Variants in CEP162 observed in about 807,000 individuals in gnomAD.
CEP162 encodes centrosomal protein 162.
In CEP162, 141 loss-of-function variants were observed where a neutral mutation model predicts 169.2. The observed-to-expected ratio is 0.83, with a 90% CI of 0.73 to 0.96. The LOEUF (loss-of-function observed/expected upper bound fraction) is 0.96, where lower values mean the gene tolerates loss of function less well. Among genes scored for constraint, CEP162 ranks in the 40% least tolerant of loss-of-function variants. The pLI is 0.00. For synonymous variants in CEP162, 540 were observed against 526.4 expected, an observed-to-expected ratio of 1.03 and a Z score of -0.35; for missense variants, 1,600 against 1,587.2, an observed-to-expected ratio of 1.01 and a Z score of -0.14.
At chr6:84,171,549 G>T in intron 17 of CEP162, 57 bp downstream of exon 17, 2 of 609,666 alleles carry the variant, frequency 3.3e-6, no homozygotes, top group South Asian at 3.8e-5. Context: ...AACATAATAA[G>T]AAAATGCTTG....
Position 84,217,714 on chromosome 6 carries a change from G to T in CEP162, c.173-1792C>A, listed in dbSNP as rs975361311. ...GATTTTTTGGTGTAAACAAGTTTAA[G>T]GAACTCGGAAGTCAGGTTATTAGAG... is the stretch of plus-strand genomic sequence containing the variant. On this transcript the variant is annotated intron_variant, in intron 3 of 26. Transcript: ENST00000403245. 7 of 152,350 alleles carry T rather than the reference G, an allele frequency of 4.6e-5. 1 individual carries two copies. The allele number at this position is 152,350 out of a possible 1,614,324, so 9.4% of individuals were successfully genotyped here.
intron 11 of CEP162, among the ~76,000 whole-genome samples, chr6:84,188,952 G>A (rs1486282192): frequency 1.3e-5 from 2 of 151,900 alleles, no homozygotes; most frequent in African/African-American, 4.8e-5. Flanking sequence ...GCATCTCATT[G>A]TGGTTTAATT....
rs144231091 is a variant in CEP162, at chr6:84,164,728, G to A, written c.2386-1458C>T. On this transcript the variant is annotated intron_variant, in intron 18 of 26. Transcript: ENST00000403245. ...AGGGGCAAGGGGAGGAGAGAATTAG[G>A]ACAAATACCTAATGCAGGTGGGGCT... 7.8e-3 allele frequency among the ~76,000 whole-genome samples: 1,187 copies of A among 152,160 alleles called. 16 individuals are homozygous for A. The highest frequency in any genetic ancestry group is 0.065 in the Middle Eastern group (19 of 294).
chr6:84,219,340 CCTT>C (rs894948634), intron 3 of CEP162: 4 of 376,796 alleles, frequency 1.1e-5, no homozygotes, highest in Non-Finnish European at 2.1e-5. Flanking sequence ...TCTTGACTAT[CCTT>C]CTTTACTTCT....
chr6:84,135,812 G>A (rs899111823), intron 25 of CEP162, among the ~76,000 whole-genome samples: 39 of 152,150 alleles, frequency 2.6e-4, no homozygotes, highest in African/African-American at 8.7e-4. Context: ...GCTGTGAGCC[G>A]AGATTGTGCC....
chr6:84,134,719 T>C (rs1485242407), intron 25 of CEP162, among the ~76,000 whole-genome samples: 3 of 152,134 alleles, frequency 2.0e-5, no homozygotes, highest in Non-Finnish European at 4.4e-5. Flanking sequence ...GGTACCTCAG[T>C]TGGAAATGTA....
chr6:84,213,512 G>C (rs772867742), intron 5 of CEP162, among the ~76,000 whole-genome samples: 18 of 152,218 alleles, frequency 1.2e-4, no homozygotes, highest in Non-Finnish European at 2.4e-4. Flanking sequence ...AAAGGAGCTT[G>C]AGTATGATTT....
rs766878888 is a variant in CEP162, at chr6:84,171,669, T to C, written c.2216A>G (p.Lys739Arg). Residue 739 changes from lysine to arginine, a missense_variant, in exon 17 of 27, where the codon AAG becomes AGG. By Grantham distance (26) the Lys-to-Arg change is conservative. Coordinates refer to ENST00000403245, the MANE Select transcript of CEP162 (RefSeq NM_014895.4). ...CTTAAACATTCGCTCCTCATTTTTC[T>C]TGTTTTGTTCTTGGAGATCTTTTAC... ...NQVKDLQEQN[K>R]KNEERMFKEN... is the part of the protein sequence containing the mutation. The C allele has an allele frequency of 1.9e-6, 3 of 1,553,278 alleles. No homozygotes were observed. Among genetic ancestry groups the C allele is most frequent in the Non-Finnish European group, 2.6e-6 (3 of 1,150,938 alleles).
intron 9 of CEP162, among the ~76,000 whole-genome samples, chr6:84,195,811 G>C (rs2099541905): frequency 6.6e-6 from 1 of 151,916 alleles, no homozygotes; most frequent in Non-Finnish European, 1.5e-5. Flanking sequence ...TAGTTTTTTG[G>C]CCTGGCTAAC....
chr6:84,145,790 T>C (rs1364932029), intron 25 of CEP162, among the ~76,000 whole-genome samples: 1 of 152,144 alleles, frequency 6.6e-6, no homozygotes, highest in Non-Finnish European at 1.5e-5. Context: ...TTCATGCCTA[T>C]TGCTGCGTGT....
Position 84,186,316 on chromosome 6 carries a change from G to A in CEP162, c.1401+16C>T, listed in dbSNP as rs955322634. The A allele has an allele frequency of 3.1e-6, 4 of 1,307,654 alleles. No homozygotes were observed. In the African/African-American group the frequency reaches 5.8e-5, roughly 19 times the overall value. The allele number at this position is 1,307,654 out of a possible 1,614,324, so 81.0% of individuals were successfully genotyped here. ...GGTTCTCAATCTCTCAAATCAATTTGATGATAAATACTTACTTTATTAATT... is the reference window on the plus strand; with the variant it reads ...GGTTCTCAATCTCTCAAATCAATTTAATGATAAATACTTACTTTATTAATT... On this transcript the variant is annotated intron_variant, in intron 12 of 26. Coordinates refer to ENST00000403245, the MANE Select transcript of CEP162 (RefSeq NM_014895.4).
At chr6:84,128,521 G>C (rs577898987) in intron 25 of CEP162, among the ~76,000 whole-genome samples, 3 of 152,064 alleles carry the variant, frequency 2.0e-5, no homozygotes, top group Non-Finnish European at 4.4e-5. Context: ...TCTAACGGTG[G>C]CACTTCTATA....
At chr6:84,214,550 T>C (rs537324665) in intron 5 of CEP162, among the ~76,000 whole-genome samples, 2 of 152,306 alleles carry the variant, frequency 1.3e-5, no homozygotes, top group South Asian at 2.1e-4. Flanking sequence ...GCAAAGTTCA[T>C]GAAGGTAAAT....
intron 2 of CEP162, among the ~76,000 whole-genome samples, chr6:84,223,908 G>GAA (rs796116679): frequency 0.017 from 2,274 of 132,866 alleles, 59 homozygotes; most frequent in African/African-American, 0.059. Context: ...TCAGTCTCAA[G>GAA]AAAAAAAAAA....
At chr6:84,205,974 T>C (rs1230747789) in intron 6 of CEP162, among the ~76,000 whole-genome samples, 1 of 148,524 alleles carries the variant, frequency 6.7e-6, no homozygotes, top group Non-Finnish European at 1.5e-5. Flanking sequence ...TCACAATTGC[T>C]TCAAAGAGAA....
At chr6:84,178,809 C>T (rs2099533470) in intron 13 of CEP162, among the ~76,000 whole-genome samples, 1 of 152,134 alleles carries the variant, frequency 6.6e-6, no homozygotes, top group South Asian at 2.1e-4. Context: ...TACCTCCCCG[C>T]TCCCCCCAAC....
rs1228649901 is a variant in CEP162 at position 84,186,487 on chromosome 6, G to A, written c.1246C>T (p.Gln416Ter). 6.2e-6 allele frequency: 10 copies of A among 1,613,056 alleles called. No individual in the cohort carries two copies. In the African/African-American group the frequency reaches 8.0e-5, roughly 13 times the overall value. Residue 416 changes from glutamine to a stop codon, truncating the protein, a stop_gained, in exon 12 of 27, where the codon CAA (glutamine) becomes TAA (stop). Coordinates refer to ENST00000403245, the MANE Select transcript of CEP162 (RefSeq NM_014895.4). LOFTEE classifies it high-confidence loss of function. ...FDKNDENVILQKTTNESMENS... is the reference protein window; with the variant it reads ...FDKNDENVIL ...TCCATACTCTCATTTGTGGTCTTTT[G>A]TAAAATCACATTCTCATCATTTTTG... is the stretch of plus-strand genomic sequence containing the variant.
rs1268993546 is a variant in CEP162 at position 84,216,493 on chromosome 6, T to G, written c.173-571A>C. On this transcript the variant is annotated intron_variant, in intron 3 of 26. Coordinates refer to ENST00000403245, the MANE Select transcript of CEP162 (RefSeq NM_014895.4). ...AATCAGTGGCTCACTGCAGGAGAGG[T>G]TCTCATGCCAGGTTATGTGCATACT... is the stretch of plus-strand genomic sequence containing the variant. Among the ~76,000 whole-genome samples, 4 of 152,026 alleles carry G rather than the reference T, an allele frequency of 2.6e-5. No individual in the cohort carries two copies. The South Asian group carries it at 8.3e-4, about 32-fold the overall frequency.
At position 84,184,578 on chromosome 6, in the gene CEP162, A is replaced by G. The variant is rs116837803; in HGVS notation, c.1663+609T>C. Among the ~76,000 whole-genome samples, 605 of 152,232 alleles carry G rather than the reference A, an allele frequency of 4.0e-3. 5 individuals carry two copies. The highest frequency in any genetic ancestry group is 0.014 in the African/African-American group (584 of 41,566). ...TTCTTAATATACTTTGTTGACTTGC[A>G]GGATTCCACATGCTCTCAGGATTCT... On this transcript the variant is annotated intron_variant, in intron 13 of 26. Coordinates refer to ENST00000403245, the MANE Select transcript of CEP162 (RefSeq NM_014895.4).
Sources: gnomAD v4.1 joint callset for allele counts (sites outside exome capture counted in the v4.1 genomes callset) on GRCh38, gnomAD v4.1.1 for gene constraint, MANE v1.5 for transcripts, NCBI Gene and HGNC (gene_info 2026-07-23, HGNC 2026-07-21) for gene names.